The following ABCC12 variants were observed in gnomAD, a reference collection of about 807,000 sequenced individuals.
ABCC12 encodes ATP-binding cassette sub-family C member 12.
In ABCC12, 142 loss-of-function variants were observed where a neutral mutation model predicts 151.1. The observed-to-expected ratio is 0.94, with a 90% CI of 0.82 to 1.08. ABCC12 has a LOEUF of 1.08. Among genes scored for constraint, ABCC12 ranks in the 50% least tolerant of loss-of-function variants. The probability of loss-of-function intolerance (pLI) is 0.00; values close to 1 mark genes in which losing one functional copy is unlikely to be tolerated. For synonymous variants in ABCC12, 645 were observed against 646.4 expected (o/e 1.00, Z 0.03); for missense variants, 1,638 against 1,691.1 (o/e 0.97, Z 0.55).
chr16:48,135,689 GAA>G (rs1289959681), intron 8 of ABCC12, among the ~76,000 whole-genome samples: 1 of 152,028 alleles, frequency 6.6e-6, no homozygotes, highest in Non-Finnish European at 1.5e-5. Context: ...GGAACTAAAT[GAA>G]AAAACATTTT....
intron 8 of ABCC12, among the ~76,000 whole-genome samples, chr16:48,134,612 G>A (rs1261627773): frequency 6.6e-6 from 1 of 152,130 alleles, no homozygotes; most frequent in African/African-American, 2.4e-5. Context: ...CTTCCTGAGG[G>A]GCCTGGAGGA....
intron 22 of ABCC12, 67 bp from the exon 23 acceptor site, chr16:48,101,076 A>T: frequency 6.4e-7 from 1 of 1,561,766 alleles, no homozygotes. Flanking sequence ...GCCCTCACAC[A>T]TACAGAGCCA....
chr16:48,111,490 C>A lies in ABCC12; in HGVS notation c.2227G>T (p.Glu743Ter), dbSNP rs752118542. Reference protein sequence around the residue: ...AGIIVLAPGNEKDEGKESETG... With the variant: ...AGIIVLAPGN The stretch of plus-strand genomic sequence containing the variant: ...TCAGATTCTTTTCCTTCATCTTTCT[C>A]ATTTCCTGGAGCCAAAACTAGGGTG... Residue 743 changes from glutamate (E) to a stop codon, truncating the protein, a stop_gained, in exon 18 of 31, where the codon GAG becomes TAG. Transcript: ENST00000311303. LOFTEE classifies it high-confidence loss of function. 5 of 1,614,068 alleles carry A rather than the reference C, an allele frequency of 3.1e-6. No homozygotes were observed. In the African/African-American group the frequency reaches 6.7e-5, roughly 22 times the overall value.
At chr16:48,109,386 A>G (rs1963607845) in intron 18 of ABCC12, among the ~76,000 whole-genome samples, 1 of 152,192 alleles carries the variant, frequency 6.6e-6, no homozygotes, top group Admixed American at 6.5e-5. Context: ...TTGGAGGAAA[A>G]GGGATGCTGG....
intron 14 of ABCC12, 53 bp downstream of exon 14, chr16:48,117,208 A>C: frequency 1.9e-6 from 3 of 1,547,492 alleles, no homozygotes; most frequent in Middle Eastern, 3.4e-4. Flanking sequence ...TTTGGACCTG[A>C]GCAAATGTAC....
Position 48,140,904 on chromosome 16 carries a change from T to A in ABCC12, c.440A>T (p.Gln147Leu). ...GGTCCTCTCAGTCTGCTGGAGGATTTGGTGAATGAGAACTGTCTGTAAAAC... is the reference window on the plus strand; with the variant it reads ...GGTCCTCTCAGTCTGCTGGAGGATTAGGTGAATGAGAACTGTCTGTAAAAC... ...AAIGPTVLIH[Q>L]ILQQTERTSG... The change falls in exon 6 of 31, where the codon CAA (glutamine) becomes CTA (leucine). Residue 147 changes from glutamine to leucine, a missense_variant. Gln to Leu is a moderately radical substitution (Grantham distance 113). Transcript: ENST00000311303. 1 of 1,613,986 alleles carries A rather than the reference T, an allele frequency of 6.2e-7. No homozygotes were observed. Among genetic ancestry groups the A allele is most frequent in the South Asian group, 1.1e-5 (1 of 91,030 alleles).
chr16:48,144,099 A>G, intron 3 of ABCC12, 34 bp from the exon 4 acceptor site: 2 of 1,590,234 alleles, frequency 1.3e-6, no homozygotes, highest in Non-Finnish European at 8.6e-7. Flanking sequence ...CGTTCCAGGC[A>G]CTGGGGTCAT....
intron 23 of ABCC12, among the ~76,000 whole-genome samples, chr16:48,099,107 T>G (rs1963213442): frequency 1.3e-5 from 2 of 152,134 alleles, no homozygotes. Context: ...AGAGAGAGAA[T>G]TAGAGGCAAT....
rs1964313211 is a variant in ABCC12, at chr16:48,128,501, G to C, written c.1473C>G (p.Ser491Arg). 2 of 1,614,114 alleles carry C rather than the reference G, an allele frequency of 1.2e-6. No homozygotes were observed. The highest frequency in any genetic ancestry group is 1.7e-6 in the Non-Finnish European group (2 of 1,180,060). Residue 491 changes from serine to arginine, a missense_variant, in exon 11 of 31, where the codon AGC becomes AGG. Coordinates refer to ENST00000311303, the MANE Select transcript of ABCC12 (RefSeq NM_001393797.1). Reference sequence around the variant, plus strand: ...TTATGCTGTGCAGAACCGATTTGAGGCTGTCACTTTGCTCCTCTGGGCCAG... The same window carrying C: ...TTATGCTGTGCAGAACCGATTTGAGCCTGTCACTTTGCTCCTCTGGGCCAG... ...GATGPEEQSDSLKSVLHSISF... is the reference protein window; with the variant it reads ...GATGPEEQSDRLKSVLHSISF...
intron 1 of ABCC12, among the ~76,000 whole-genome samples, chr16:48,155,315 C>T (rs1011743695): frequency 2.7e-5 from 4 of 150,620 alleles, no homozygotes; most frequent in African/African-American, 7.4e-5. Context: ...AAGAAGGATG[C>T]AGAGCCTGGA....
chr16:48,141,384 A>C (rs759188982), intron 4 of ABCC12, 31 bp from the exon 5 acceptor site: 1 of 1,612,862 alleles, frequency 6.2e-7, no homozygotes, highest in South Asian at 1.1e-5. Context: ...CATAAAATGG[A>C]TTGGCACTTC....
chr16:48,096,667 T>C (rs1388035348), intron 24 of ABCC12, 79 bp downstream of exon 24: 1 of 1,447,846 alleles, frequency 6.9e-7, no homozygotes, highest in African/African-American at 1.4e-5. Flanking sequence ...GTTTTTGTTG[T>C]GTCCATCCAA....
At position 48,082,808 on chromosome 16, in the gene ABCC12, CTATAAA is replaced by C. The variant is rs1346385599; in HGVS notation, c.*901_*906del. On this transcript the variant is annotated 3_prime_UTR_variant, in exon 31 of 31. Coordinates refer to ENST00000311303, the MANE Select transcript of ABCC12 (RefSeq NM_001393797.1). ...ACTACACAAGAGCTTGCTGGATTTTCTATAAATATTTTTTTCCCAAATGTCACCATG... is the reference window on the plus strand; with the variant it reads ...ACTACACAAGAGCTTGCTGGATTTTCTATTTTTTTCCCAAATGTCACCATG... Among the ~76,000 whole-genome samples the C allele has an allele frequency of 2.6e-5, 4 of 152,338 alleles. No individual in the cohort carries two copies. The East Asian group carries it at 7.7e-4, about 29-fold the overall frequency.
chr16:48,132,185 A>T (rs1338324714), intron 9 of ABCC12, among the ~76,000 whole-genome samples: 3 of 152,248 alleles, frequency 2.0e-5, no homozygotes. Flanking sequence ...GTCTGGGATC[A>T]CAGAGAGCCA....
At chr16:48,150,303 T>TA (rs1256984289) in intron 2 of ABCC12, among the ~76,000 whole-genome samples, 2 of 152,228 alleles carry the variant, frequency 1.3e-5, no homozygotes, top group Non-Finnish European at 2.9e-5. Context: ...GTGGCCCCTC[T>TA]ACAGGAATAT....
At chr16:48,138,893 C>T (rs1032880446) in intron 7 of ABCC12, among the ~76,000 whole-genome samples, 2 of 151,976 alleles carry the variant, frequency 1.3e-5, no homozygotes, top group African/African-American at 4.8e-5. Context: ...TGCTTGAGCC[C>T]AGGAGGTTGA....
At chr16:48,142,598 G>A (rs1037586401) in intron 4 of ABCC12, among the ~76,000 whole-genome samples, 3 of 152,188 alleles carry the variant, frequency 2.0e-5, no homozygotes, top group Non-Finnish European at 4.4e-5. Context: ...GCACAGATGA[G>A]GAGAAGCACA....
intron 21 of ABCC12, 104 bp from the exon 22 acceptor site, chr16:48,104,472 C>T: frequency 9.8e-7 from 1 of 1,016,800 alleles, no homozygotes; most frequent in Non-Finnish European, 1.5e-6. Context: ...GACCTTTTTT[C>T]CAGGGCACAA....
chr16:48,124,398 C>A, intron 11 of ABCC12, 114 bp from the exon 12 acceptor site: 1 of 989,314 alleles, frequency 1.0e-6, no homozygotes, highest in South Asian at 1.3e-5. Flanking sequence ...AACAAGGGGT[C>A]ACTGCAGGCT....
Sources: gnomAD v4.1 joint callset for allele counts (sites outside exome capture counted in the v4.1 genomes callset) on GRCh38, gnomAD v4.1.1 for gene constraint, MANE v1.5 for transcripts, NCBI Gene and HGNC (gene_info 2026-07-23, HGNC 2026-07-21) for gene names.